The following HECTD2 variants were observed in gnomAD, a reference collection of about 807,000 sequenced individuals.
The protein encoded by HECTD2 is HECT domain E3 ubiquitin protein ligase 2.
A neutral mutation model predicts 103.2 loss-of-function variants in HECTD2; 35 were observed. That is an observed-to-expected ratio of 0.34 (90% CI 0.26 to 0.45). HECTD2 has a LOEUF of 0.45. Among genes scored for constraint, HECTD2 ranks in the 20% least tolerant of loss-of-function variants. The pLI is 1.00. For missense variants in HECTD2, 596 were observed against 937.4 expected (o/e 0.64, Z 4.76); for synonymous variants, 281 against 329.9 (o/e 0.85, Z 1.61).
intron 5 of HECTD2, among the ~76,000 whole-genome samples, chr10:91,474,374 A>G (rs895737789): frequency 3.3e-5 from 5 of 152,226 alleles, no homozygotes; most frequent in African/African-American, 4.8e-5. Flanking sequence ...TTCCATGCTA[A>G]GCACAAGAGA....
intron 14 of HECTD2, among the ~76,000 whole-genome samples, chr10:91,493,911 T>G (rs954568370): frequency 3.3e-5 from 5 of 152,048 alleles, no homozygotes; most frequent in South Asian, 4.1e-4. Flanking sequence ...ATCTAGCTCT[T>G]TAATATGCCT....
At chr10:91,431,084 A>G (rs1395090324) in intron 2 of HECTD2, among the ~76,000 whole-genome samples, 6 of 151,518 alleles carry the variant, frequency 4.0e-5, no homozygotes, top group Admixed American at 6.6e-5. Context: ...GGTGGTGACA[A>G]AATCCCTCAG....
intron 1 of HECTD2, among the ~76,000 whole-genome samples, chr10:91,413,358 C>A (rs150489682): frequency 6.6e-6 from 1 of 152,202 alleles, no homozygotes; most frequent in East Asian, 1.9e-4. Flanking sequence ...GAGGAGGTGC[C>A]TAACACAGTG....
At chr10:91,451,000 C>T (rs192402326) in intron 2 of HECTD2, among the ~76,000 whole-genome samples, 1,966 of 150,116 alleles carry the variant, frequency 0.013, 39 homozygotes, top group South Asian at 0.059. Flanking sequence ...ACCTAGCAAT[C>T]CCGTTACTGG....
Position 91,492,320 on chromosome 10 carries a change from G to C in HECTD2, c.1300-32G>C, listed in dbSNP as rs376610422. 6.0e-5 allele frequency: 96 copies of C among 1,592,082 alleles called. No individual in the cohort carries two copies. The African/African-American group carries it at 1.3e-3, about 21-fold the overall frequency. The stretch of plus-strand genomic sequence containing the variant: ...GTTAATTCTCTTTTCACTGCTCTTT[G>C]TTCTCCTCTACTGTATAATATCTTC... On this transcript the variant is annotated intron_variant, in intron 12 of 20. Coordinates refer to ENST00000298068, the MANE Select transcript of HECTD2 (RefSeq NM_182765.6).
At chr10:91,461,423 T>G (rs761022848) in intron 4 of HECTD2, 67 bp downstream of exon 4, 4 of 754,378 alleles carry the variant, frequency 5.3e-6, no homozygotes, top group African/African-American at 1.9e-5. Flanking sequence ...ATGATAAATT[T>G]ACCTCATTTT....
At chr10:91,434,255 A>G (rs536688749) in intron 2 of HECTD2, among the ~76,000 whole-genome samples, 1 of 152,048 alleles carries the variant, frequency 6.6e-6, no homozygotes, top group East Asian at 1.9e-4. Flanking sequence ...ACCACTTGTT[A>G]TGACTAATCC....
chr10:91,433,719 G>A (rs191690811), intron 2 of HECTD2, among the ~76,000 whole-genome samples: 2 of 151,988 alleles, frequency 1.3e-5, no homozygotes, highest in East Asian at 3.9e-4. Context: ...TGGGGTTGTT[G>A]GGCCCAGGAG....
At chr10:91,494,009 T>A (rs1297235321) in intron 14 of HECTD2, among the ~76,000 whole-genome samples, 3 of 152,048 alleles carry the variant, frequency 2.0e-5, no homozygotes, top group Non-Finnish European at 4.4e-5. Context: ...ATAGTATTTT[T>A]AAAAATTTTA....
In HECTD2 at chr10:91,500,516, A is replaced by C; in HGVS notation, c.1965A>C (p.Glu655Asp). 1 of 1,583,226 alleles carries C rather than the reference A, an allele frequency of 6.3e-7. No individual in the cohort carries two copies. Among genetic ancestry groups the C allele is most frequent in the Non-Finnish European group, 8.7e-7 (1 of 1,151,868 alleles). The change falls in exon 19 of 21, where the codon GAA (glutamate) becomes GAC (aspartate). Residue 655 changes from glutamate to aspartate, a missense_variant. Physicochemically the swap from Glu to Asp is conservative, Grantham distance 45. Transcript: ENST00000298068. ...ATTATTGGCAGCTGCTTCGTCCAGA[A>C]GAGGTTGAAATTTTGGTCTGTGGAA... ...ASNALMLLRP[E>D]EVEILVCGSP...
intron 14 of HECTD2, among the ~76,000 whole-genome samples, 157 bp downstream of exon 14, chr10:91,493,665 AAT>A (rs1285297491): frequency 6.6e-6 from 1 of 152,058 alleles, no homozygotes; most frequent in Non-Finnish European, 1.5e-5. Flanking sequence ...CATTATGTGT[AAT>A]ATATGTCAGT....
intron 2 of HECTD2, among the ~76,000 whole-genome samples, chr10:91,438,840 T>A (rs1326665626): frequency 1.3e-5 from 2 of 152,126 alleles, no homozygotes; most frequent in Non-Finnish European, 2.9e-5. Context: ...GATGATGAGC[T>A]TTTTTTCATA....
chr10:91,497,419 T>C (rs1461022954), intron 15 of HECTD2, among the ~76,000 whole-genome samples: 4 of 147,588 alleles, frequency 2.7e-5, no homozygotes, highest in Non-Finnish European at 6.0e-5. Context: ...GCCTCCCGAA[T>C]AGCTGGGATT....
In HECTD2 at chr10:91,506,607, G is replaced by A. The variant is rs1002952795; in HGVS notation, c.2210+5273G>A. Among the ~76,000 whole-genome samples the A allele has an allele frequency of 5.5e-4, 84 of 152,104 alleles. 2 individuals are homozygous for A. The highest frequency in any genetic ancestry group is 3.5e-4 in the Non-Finnish European group (24 of 67,972). The stretch of plus-strand genomic sequence containing the variant: ...TGAATCTCTGAATAGACCAATAACA[G>A]GATCTGAAATTGTGGCAATAATCAA... On this transcript the variant is annotated intron_variant, in intron 20 of 20. Coordinates refer to ENST00000298068, the MANE Select transcript of HECTD2 (RefSeq NM_182765.6).
At chr10:91,427,226 A>G (rs1397301840) in intron 2 of HECTD2, among the ~76,000 whole-genome samples, 1 of 151,926 alleles carries the variant, frequency 6.6e-6, no homozygotes, top group Non-Finnish European at 1.5e-5. Context: ...TATATATGCC[A>G]CATTTTCTTA....
intron 14 of HECTD2, among the ~76,000 whole-genome samples, chr10:91,495,427 A>T (rs1208045638): frequency 6.6e-6 from 1 of 152,050 alleles, no homozygotes; most frequent in Non-Finnish European, 1.5e-5. Flanking sequence ...TCCAATTTTT[A>T]AAAGTTATTT....
chr10:91,420,631 G>A (rs1016928006), intron 1 of HECTD2, among the ~76,000 whole-genome samples: 5 of 151,914 alleles, frequency 3.3e-5, no homozygotes, highest in Non-Finnish European at 7.4e-5. Flanking sequence ...AGTCTACTAT[G>A]CCTCCTTTTG....
chr10:91,421,255 A>G (rs551413495), intron 1 of HECTD2, among the ~76,000 whole-genome samples: 2 of 149,764 alleles, frequency 1.3e-5, no homozygotes, highest in South Asian at 4.2e-4. Context: ...AACATTATTG[A>G]CCTTTTTTTT....
At chr10:91,421,115 A>C (rs1217449276) in intron 1 of HECTD2, among the ~76,000 whole-genome samples, 1 of 151,494 alleles carries the variant, frequency 6.6e-6, no homozygotes, top group Admixed American at 6.6e-5. Context: ...CTTCCCATTC[A>C]TTTGTCAATT....
Sources: allele counts gnomAD v4.1 joint callset (sites outside exome capture counted in the v4.1 genomes callset), GRCh38; gene constraint gnomAD v4.1.1; transcripts MANE v1.5; gene names NCBI Gene and HGNC (gene_info 2026-07-23, HGNC 2026-07-21).